FGF12: variants seen among roughly 807,000 people sequenced by gnomAD.
FGF12 encodes fibroblast growth factor 12.
Under a neutral mutation model 23.6 loss-of-function variants are expected in FGF12, and 14 were observed. The observed-to-expected ratio is 0.59, with a 90% CI of 0.39 to 0.93. The LOEUF is 0.93. FGF12 is among the 40% of genes least tolerant of loss of function. The probability of loss-of-function intolerance (pLI) is 0.00; values close to 1 mark genes in which losing one functional copy is unlikely to be tolerated. For synonymous variants in FGF12, 62 were observed against 77.3 expected (o/e 0.80, Z 1.04); for missense variants, 175 against 217.8 (o/e 0.80, Z 1.24).
intron 2 of FGF12, among the ~76,000 whole-genome samples, chr3:192,588,936 G>A (rs564662294): frequency 6.6e-6 from 1 of 151,946 alleles, no homozygotes; most frequent in Non-Finnish European, 1.5e-5. Flanking sequence ...CACTTCTTGA[G>A]CTCCATAACA....
At chr3:192,187,788 G>GA (rs1037017066) in intron 4 of FGF12, among the ~76,000 whole-genome samples, 2 of 149,996 alleles carry the variant, frequency 1.3e-5, no homozygotes, top group Admixed American at 6.7e-5. Flanking sequence ...AAAGAAAAAA[G>GA]AAAAAAGAGA....
chr3:192,204,362 A>C (rs1338095204), intron 4 of FGF12, among the ~76,000 whole-genome samples: 1 of 152,218 alleles, frequency 6.6e-6, no homozygotes, highest in Admixed American at 6.5e-5. Context: ...GTGACTACTG[A>C]GCAGTCAAAA....
intron 2 of FGF12, among the ~76,000 whole-genome samples, chr3:192,432,286 T>C (rs111386441): frequency 8.5e-5 from 13 of 152,298 alleles, no homozygotes; most frequent in African/African-American, 3.1e-4. Flanking sequence ...AATACAATCT[T>C]GTTCAAAGTG....
At chr3:192,189,885 C>G (rs1034655836) in intron 4 of FGF12, among the ~76,000 whole-genome samples, 2 of 152,134 alleles carry the variant, frequency 1.3e-5, no homozygotes, top group Non-Finnish European at 2.9e-5. Context: ...CCCAGTCCCT[C>G]CCTTTCCTCT....
chr3:192,283,134 C>G (rs545190562), intron 4 of FGF12: 6 of 152,006 alleles, frequency 3.9e-5, no homozygotes, highest in Non-Finnish European at 7.4e-5. Context: ...GAAAAATTTT[C>G]GTGACATGAA....
intron 4 of FGF12, among the ~76,000 whole-genome samples, chr3:192,202,436 C>T (rs149642466): frequency 3.2e-4 from 48 of 152,292 alleles, no homozygotes; most frequent in African/African-American, 1.1e-3. Context: ...TGGTCTTAGG[C>T]ACAGATTTAT....
chr3:192,659,233 A>G (rs998173005), intron 2 of FGF12, among the ~76,000 whole-genome samples: 25 of 152,224 alleles, frequency 1.6e-4, no homozygotes, highest in Non-Finnish European at 3.4e-4. Flanking sequence ...GATACATCTT[A>G]TGGCATTTCT....
chr3:192,221,941 A>G (rs757663802), intron 4 of FGF12, among the ~76,000 whole-genome samples: 14 of 152,202 alleles, frequency 9.2e-5, no homozygotes, highest in Non-Finnish European at 2.1e-4. Context: ...TAGATTAGCA[A>G]AAGAAATAGA....
At chr3:192,175,929 C>T (rs546070304) in intron 4 of FGF12, among the ~76,000 whole-genome samples, 1 of 152,168 alleles carries the variant, frequency 6.6e-6, no homozygotes, top group Non-Finnish European at 1.5e-5. Context: ...AACTGTCACA[C>T]AGTTTCTGGC....
At chr3:192,347,363 G>T (rs76514875) in intron 3 of FGF12, among the ~76,000 whole-genome samples, 3,717 of 152,254 alleles carry the variant, frequency 0.024, 153 homozygotes, top group African/African-American at 0.083. Context: ...ATCAAAATTT[G>T]CATTTTAACA....
intron 2 of FGF12, among the ~76,000 whole-genome samples, chr3:192,561,889 A>AAAT (rs754554099): frequency 3.0e-4 from 45 of 151,294 alleles, no homozygotes; most frequent in African/African-American, 7.5e-4. Flanking sequence ...AAACATGGCA[A>AAAT]AATAATAATA....
intron 3 of FGF12, among the ~76,000 whole-genome samples, chr3:192,337,030 T>G (rs1404692758): frequency 6.6e-6 from 1 of 152,132 alleles, no homozygotes; most frequent in Non-Finnish European, 1.5e-5. Flanking sequence ...TCAATTTAGA[T>G]TTGAACTGGT....
chr3:192,548,047 T>C (rs1342454108), intron 2 of FGF12, among the ~76,000 whole-genome samples: 1 of 152,180 alleles, frequency 6.6e-6, no homozygotes, highest in African/African-American at 2.4e-5. Context: ...GATTTGAAAA[T>C]GCCTTTCTTA....
chr3:192,374,512 A>C (rs1013148664), intron 2 of FGF12, among the ~76,000 whole-genome samples: 1 of 152,228 alleles, frequency 6.6e-6, no homozygotes, highest in Non-Finnish European at 1.5e-5. Context: ...TTACCTATCC[A>C]TTAACAGTTT....
chr3:192,417,442 T>C (rs1357724972), intron 2 of FGF12, among the ~76,000 whole-genome samples: 2 of 152,100 alleles, frequency 1.3e-5, no homozygotes, highest in African/African-American at 2.4e-5. Context: ...AGAATTTTTG[T>C]TCCTCCTGTA....
chr3:192,724,267 G>C (rs1719140068), intron 2 of FGF12, among the ~76,000 whole-genome samples: 1 of 152,148 alleles, frequency 6.6e-6, no homozygotes, highest in Admixed American at 6.5e-5. Flanking sequence ...AGATTCTGCA[G>C]TTCTAAAAAA....
At chr3:192,670,690 T>G (rs1246524082) in intron 2 of FGF12, among the ~76,000 whole-genome samples, 1 of 152,196 alleles carries the variant, frequency 6.6e-6, no homozygotes, top group African/African-American at 2.4e-5. Flanking sequence ...CACAAACAGT[T>G]AAAGCACTGA....
At chr3:192,386,557 T>C (rs961640934) in intron 2 of FGF12, among the ~76,000 whole-genome samples, 18 of 152,194 alleles carry the variant, frequency 1.2e-4, no homozygotes, top group Admixed American at 1.1e-3. Flanking sequence ...TTTAAAGTTC[T>C]GTCTCCCAGC....
chr3:192,332,504 C>T (rs1296833316), intron 4 of FGF12, among the ~76,000 whole-genome samples: 3 of 151,976 alleles, frequency 2.0e-5, no homozygotes, highest in African/African-American at 4.8e-5. Context: ...ATGGATTAAA[C>T]TCATCTATTA....
Sources: allele counts gnomAD v4.1 joint callset (sites outside exome capture counted in the v4.1 genomes callset), GRCh38; gene constraint gnomAD v4.1.1; transcripts MANE v1.5; gene names NCBI Gene and HGNC (gene_info 2026-07-23, HGNC 2026-07-21).